ANO4: variants seen among roughly 807,000 people sequenced by gnomAD.
ANO4 encodes the protein anoctamin-4.
Under a neutral mutation model 141.9 loss-of-function variants are expected in ANO4, and 69 were observed. That is an observed-to-expected ratio of 0.49 (90% CI 0.40 to 0.59). ANO4 has a LOEUF of 0.59. ANO4 is among the 20% of genes least tolerant of loss of function. ANO4 has a pLI of 0.00. For synonymous variants in ANO4, 350 were observed against 394.3 expected (o/e 0.89, Z 1.33); for missense variants, 894 against 1,162.2 (o/e 0.77, Z 3.36).
At chr12:101,096,899 G>T (rs2050006555) in intron 19 of ANO4, among the ~76,000 whole-genome samples, 1 of 152,172 alleles carries the variant, frequency 6.6e-6, no homozygotes, top group African/African-American at 2.4e-5. Flanking sequence ...GCATGTGAGT[G>T]ATGCATTGAA....
At chr12:101,072,650 G>C (rs2048861866) in intron 14 of ANO4, among the ~76,000 whole-genome samples, 2 of 152,090 alleles carry the variant, frequency 1.3e-5, no homozygotes, top group Admixed American at 1.3e-4. Context: ...AGAGTGAACA[G>C]GCAACCTACA....
intron 1 of ANO4, among the ~76,000 whole-genome samples, chr12:100,872,922 TGGG>T: frequency 6.6e-6 from 1 of 152,168 alleles, no homozygotes; most frequent in East Asian, 1.9e-4. Context: ...GATTTGATCA[TGGG>T]GGCGGATTTC....
rs59798097 is a variant in ANO4 at position 100,796,011 on chromosome 12, G to A, written c.-141+984G>A. Among the ~76,000 whole-genome samples, 910 of 149,000 alleles carry A rather than the reference G, an allele frequency of 6.1e-3. 10 individuals carry two copies. Among genetic ancestry groups the A allele is most frequent in the African/African-American group, 0.021 (866 of 40,408 alleles). On this transcript the variant is annotated intron_variant, in intron 1 of 27. Transcript: ENST00000392977. ...CATTTTATTAGTTTCACTCCTGTGC[G>A]TTGCAGGAGTCTCTCTTAACAGGGA...
intron 14 of ANO4, among the ~76,000 whole-genome samples, chr12:101,052,022 G>T (rs142684793): frequency 6.6e-6 from 1 of 152,298 alleles, no homozygotes; most frequent in Admixed American, 6.5e-5. Context: ...GAAATTGCTA[G>T]ATATGGAGCT....
chr12:101,033,994 G>A (rs1001541882), intron 9 of ANO4, among the ~76,000 whole-genome samples: 1 of 152,176 alleles, frequency 6.6e-6, no homozygotes, highest in African/African-American at 2.4e-5. Flanking sequence ...AACAATAGAT[G>A]CTGGTGAGGC....
At chr12:100,941,544 G>A (rs536594265) in intron 4 of ANO4, among the ~76,000 whole-genome samples, 125 of 152,200 alleles carry the variant, frequency 8.2e-4, no homozygotes, top group African/African-American at 2.9e-3. Flanking sequence ...TAATATTCCA[G>A]TGAATGAACT....
At chr12:100,736,862 A>AG (rs1382698403) in intron 2 of ANO4, among the ~76,000 whole-genome samples, 2 of 152,196 alleles carry the variant, frequency 1.3e-5, no homozygotes, top group African/African-American at 4.8e-5. Flanking sequence ...AGAAGCCTGG[A>AG]GAGAGGCATG....
chr12:100,727,743 C>T (rs1249808187), intron 1 of ANO4, among the ~76,000 whole-genome samples: 1 of 151,660 alleles, frequency 6.6e-6, no homozygotes, highest in Non-Finnish European at 1.5e-5. Flanking sequence ...CTATGACTTT[C>T]CCCCTCATTT....
intron 25 of ANO4, among the ~76,000 whole-genome samples, chr12:101,119,646 A>G (rs1280576282): frequency 6.6e-6 from 1 of 152,238 alleles, no homozygotes; most frequent in Admixed American, 6.5e-5. Flanking sequence ...CATATAGTAT[A>G]GTACCCTTTC....
rs984101144 is a variant in ANO4 at position 100,818,785 on chromosome 12, T to C, written c.-141+23758T>C. Reference sequence around the variant, plus strand: ...GAACATTTGACAATATCTGGAGATATTTTTGATTGTCATAATCTGGGGAAT... The same window carrying C: ...GAACATTTGACAATATCTGGAGATACTTTTGATTGTCATAATCTGGGGAAT... On this transcript the variant is annotated intron_variant, in intron 1 of 27. Coordinates refer to ENST00000392977, the MANE Select transcript of ANO4 (RefSeq NM_001286615.2). 4.6e-5 allele frequency among the ~76,000 whole-genome samples: 7 copies of C among 151,996 alleles called. 1 individual carries two copies. The highest frequency in any genetic ancestry group is 9.6e-5 in the African/African-American group (4 of 41,530).
intron 15 of ANO4, among the ~76,000 whole-genome samples, chr12:101,080,883 T>TATATATATATATATTATATATA (rs1491584060): frequency 5.4e-5 from 4 of 74,096 alleles, no homozygotes; most frequent in South Asian, 6.4e-4. Context: ...TATATATATA[T>TATATATATATATATTATATATA]TATATATATA....
intron 5 of ANO4, among the ~76,000 whole-genome samples, chr12:100,965,890 T>C (rs1471266409): frequency 6.6e-6 from 1 of 152,166 alleles, no homozygotes; most frequent in Non-Finnish European, 1.5e-5. Flanking sequence ...TGTTGTCTGA[T>C]GTCTGTCTCC....
intron 1 of ANO4, among the ~76,000 whole-genome samples, chr12:100,818,989 A>G (rs1327324902): frequency 6.6e-6 from 1 of 151,544 alleles, no homozygotes; most frequent in Non-Finnish European, 1.5e-5. Context: ...ATCATTCTCA[A>G]ACTTAGGCTG....
intron 11 of ANO4, among the ~76,000 whole-genome samples, chr12:101,040,766 C>G (rs949255239): frequency 6.6e-6 from 1 of 151,900 alleles, no homozygotes; most frequent in Non-Finnish European, 1.5e-5. Context: ...CCCCCCACCC[C>G]CCATAGGCCC....
At chr12:100,922,134 C>T (rs892436616) in intron 2 of ANO4, 92 bp from the exon 3 acceptor site, 1 of 815,856 alleles carries the variant, frequency 1.2e-6, no homozygotes, top group African/African-American at 1.8e-5. Flanking sequence ...TAGCCATTCA[C>T]TTTGGATTTT....
rs902656600 is a variant in ANO4, at chr12:101,120,977, G to A, written c.2676+352G>A. Among the ~76,000 whole-genome samples, 8 of 152,210 alleles carry A rather than the reference G, an allele frequency of 5.3e-5. No individual in the cohort carries two copies. The East Asian group carries it at 1.5e-3, about 29-fold the overall frequency. ...TCTGTGGCTTGTTTTTCATGAGCTC[G>A]TTGTAATGATTCTGACTATAGGCAT... On this transcript the variant is annotated intron_variant, in intron 26 of 27. Transcript: ENST00000392977.
intron 5 of ANO4, 47 bp downstream of exon 5, chr12:100,942,582 A>G (rs763540162): frequency 1.3e-6 from 2 of 1,563,666 alleles, no homozygotes; most frequent in African/African-American, 2.7e-5. Flanking sequence ...ATATCTATTC[A>G]TATGAAGAGG....
intron 1 of ANO4, among the ~76,000 whole-genome samples, chr12:100,843,881 TATTAG>T (rs2037410128): frequency 6.6e-6 from 1 of 152,184 alleles, no homozygotes; most frequent in Admixed American, 6.5e-5. Flanking sequence ...CTGTTGGAGT[TATTAG>T]ATAATTCTCT....
At chr12:100,904,680 C>T (rs1432865562) in intron 2 of ANO4, among the ~76,000 whole-genome samples, 2 of 152,018 alleles carry the variant, frequency 1.3e-5, no homozygotes, top group Non-Finnish European at 2.9e-5. Flanking sequence ...TCGGGCAGGA[C>T]CTTATAGGCC....
Sources: gnomAD v4.1 joint callset for allele counts (sites outside exome capture counted in the v4.1 genomes callset) on GRCh38, gnomAD v4.1.1 for gene constraint, MANE v1.5 for transcripts, NCBI Gene and HGNC (gene_info 2026-07-23, HGNC 2026-07-21) for gene names.